The following FCHSD2 variants were observed in gnomAD, a reference collection of about 807,000 sequenced individuals.
FCHSD2 encodes the protein F-BAR and double SH3 domains protein 2.
Under a neutral mutation model 108.1 loss-of-function variants are expected in FCHSD2, and 38 were observed. The ratio of observed to expected loss-of-function variants is 0.35; its 90% confidence interval spans 0.27 to 0.46. The LOEUF is 0.46. Among genes scored for constraint, FCHSD2 ranks in the 20% least tolerant of loss-of-function variants. The pLI, the probability that FCHSD2 is intolerant of heterozygous loss-of-function variation, is 1.00. For missense variants in FCHSD2, 751 were observed against 897.8 expected (o/e 0.84, Z 2.09); for synonymous variants, 279 against 314.7 (o/e 0.89, Z 1.20).
At chr11:72,876,169 G>A (rs1854965540) in intron 12 of FCHSD2, among the ~76,000 whole-genome samples, 1 of 152,016 alleles carries the variant, frequency 6.6e-6, no homozygotes, top group African/African-American at 2.4e-5. Context: ...TATAAAAAAG[G>A]AAAATAAAAT....
At chr11:72,881,147 G>A (rs1011995936) in intron 12 of FCHSD2, among the ~76,000 whole-genome samples, 36 of 152,020 alleles carry the variant, frequency 2.4e-4, no homozygotes, top group African/African-American at 8.0e-4. Flanking sequence ...ACTAATATAC[G>A]GAATATACAC....
chr11:73,096,987 A>AATTTTTTTTTT (rs1860095700), intron 2 of FCHSD2, among the ~76,000 whole-genome samples: 23 of 27,022 alleles, frequency 8.5e-4, no homozygotes, highest in African/African-American at 4.6e-3. Flanking sequence ...TCATTGATGG[A>AATTTTTTTTTT]TTTTTTTTTT....
intron 9 of FCHSD2, among the ~76,000 whole-genome samples, chr11:72,920,758 T>A (rs546619086): frequency 9.8e-5 from 15 of 152,332 alleles, no homozygotes; most frequent in Middle Eastern, 3.4e-3. Flanking sequence ...CTACATAGAT[T>A]CCTCAATTAA....
At chr11:73,017,190 C>T (rs1042134579) in intron 3 of FCHSD2, among the ~76,000 whole-genome samples, 2 of 151,998 alleles carry the variant, frequency 1.3e-5, no homozygotes, top group African/African-American at 2.4e-5. Flanking sequence ...CGCCATGTTG[C>T]CCATGGCTCA....
chr11:72,991,850 C>A (rs902215828), intron 5 of FCHSD2, among the ~76,000 whole-genome samples: 6 of 152,146 alleles, frequency 3.9e-5, no homozygotes, highest in African/African-American at 1.4e-4. Context: ...AAAACTGGCA[C>A]AAGACAGGGA....
At chr11:73,092,315 T>A (rs1005531349) in intron 2 of FCHSD2, among the ~76,000 whole-genome samples, 1 of 151,950 alleles carries the variant, frequency 6.6e-6, no homozygotes, top group Non-Finnish European at 1.5e-5. Context: ...TTTTGTTTTT[T>A]TTTTTGTAGA....
In FCHSD2 at chr11:73,029,301, A is replaced by G. The variant is rs1858303699; in HGVS notation, c.166-13416T>C. On this transcript the variant is annotated intron_variant, in intron 3 of 19. Coordinates refer to ENST00000409418, the MANE Select transcript of FCHSD2 (RefSeq NM_014824.3). ...TAAGGCAGAGCAGAAAGGACCAGGAATCTTGTCTCCCAACCTAGACAACAA... is the reference window on the plus strand; with the variant it reads ...TAAGGCAGAGCAGAAAGGACCAGGAGTCTTGTCTCCCAACCTAGACAACAA... Among the ~76,000 whole-genome samples the G allele has an allele frequency of 2.0e-5, 3 of 152,334 alleles. No homozygotes were observed. In the South Asian group the frequency reaches 6.2e-4, roughly 32 times the overall value.
chr11:72,840,041 T>TA (rs1860863311), intron 19 of FCHSD2, among the ~76,000 whole-genome samples: 1 of 152,182 alleles, frequency 6.6e-6, no homozygotes, highest in Non-Finnish European at 1.5e-5. Flanking sequence ...TTCCCACTCT[T>TA]ACCCACCAGT....
intron 10 of FCHSD2, among the ~76,000 whole-genome samples, chr11:72,892,210 G>T (rs1053663066): frequency 5.3e-5 from 8 of 152,300 alleles, no homozygotes; most frequent in Middle Eastern, 3.4e-3. Flanking sequence ...TTGCCTTACA[G>T]AATTTATACC....
At chr11:73,083,290 C>T (rs937400603) in intron 3 of FCHSD2, among the ~76,000 whole-genome samples, 1 of 152,148 alleles carries the variant, frequency 6.6e-6, no homozygotes, top group Non-Finnish European at 1.5e-5. Context: ...GTGGCTCATG[C>T]CTGTAATCCC....
chr11:72,887,535 C>T lies in FCHSD2; in HGVS notation c.1081G>A (p.Glu361Lys). The T allele has an allele frequency of 4.4e-6, 7 of 1,601,570 alleles. No homozygotes were observed. Among genetic ancestry groups the T allele is most frequent in the Non-Finnish European group, 6.0e-6 (7 of 1,175,216 alleles). ...TGTTCTAGCTCTGCTCGGCTTTGTTCTGATACAGCAGCTCCATGACACTCC... is the reference window on the plus strand; with the variant it reads ...TGTTCTAGCTCTGCTCGGCTTTGTTTTGATACAGCAGCTCCATGACACTCC... ...DLECHGAAVS[E>K]QSRAELEQKI... The change falls in exon 12 of 20, where the codon GAA becomes AAA. Residue 361 changes from glutamate (E) to lysine (K), a missense_variant. Coordinates refer to ENST00000409418, the MANE Select transcript of FCHSD2 (RefSeq NM_014824.3).
At chr11:72,930,176 T>G (rs967296577) in intron 8 of FCHSD2, among the ~76,000 whole-genome samples, 1 of 152,202 alleles carries the variant, frequency 6.6e-6, no homozygotes, top group Non-Finnish European at 1.5e-5. Context: ...TGTTGCTCCA[T>G]GAATGTAATT....
At position 73,133,132 on chromosome 11, in the gene FCHSD2, C is replaced by T. The variant is rs182618666; in HGVS notation, c.119+6899G>A. Among the ~76,000 whole-genome samples, 373 of 152,146 alleles carry T rather than the reference C, an allele frequency of 2.5e-3. 2 individuals are homozygous for T. The highest frequency in any genetic ancestry group is 0.023 in the South Asian group (111 of 4,818). Reference sequence around the variant, plus strand: ...AGACAATAACATGCACTGGCCATGACGTGGAGAAATAGGACCCATCATGTA... The same window carrying T: ...AGACAATAACATGCACTGGCCATGATGTGGAGAAATAGGACCCATCATGTA... On this transcript the variant is annotated intron_variant, in intron 2 of 19. Coordinates refer to ENST00000409418, the MANE Select transcript of FCHSD2 (RefSeq NM_014824.3).
chr11:73,051,898 CACACACA>C (rs1257755024), intron 3 of FCHSD2, among the ~76,000 whole-genome samples: 56 of 150,946 alleles, frequency 3.7e-4, no homozygotes, highest in African/African-American at 1.3e-3. Flanking sequence ...CACACACACA[CACACACA>C]CACACACACA....
chr11:72,846,528 A>G (rs906299412), intron 14 of FCHSD2, among the ~76,000 whole-genome samples: 3 of 152,090 alleles, frequency 2.0e-5, no homozygotes, highest in Non-Finnish European at 4.4e-5. Context: ...AACACTGACT[A>G]CCATGATGCT....
chr11:72,878,525 T>C (rs115907550), intron 12 of FCHSD2, among the ~76,000 whole-genome samples: 1 of 152,102 alleles, frequency 6.6e-6, no homozygotes, highest in African/African-American at 2.4e-5. Context: ...GCAGGAAAAA[T>C]ATAAGGTGAA....
intron 12 of FCHSD2, among the ~76,000 whole-genome samples, chr11:72,869,371 A>C (rs1247767459): frequency 6.6e-6 from 1 of 151,494 alleles, no homozygotes; most frequent in Non-Finnish European, 1.5e-5. Flanking sequence ...TTTCACTTGA[A>C]GCAGGGCAAG....
At chr11:73,006,814 T>C (rs1323555475) in intron 4 of FCHSD2, among the ~76,000 whole-genome samples, 1 of 152,266 alleles carries the variant, frequency 6.6e-6, no homozygotes, top group African/African-American at 2.4e-5. Context: ...CACTGTTGTA[T>C]GTTCGGCACA....
In FCHSD2 at chr11:73,053,280, A is replaced by G. The variant is rs1195716887; in HGVS notation, c.165+30415T>C. Among the ~76,000 whole-genome samples, 4 of 152,074 alleles carry G rather than the reference A, an allele frequency of 2.6e-5. No homozygotes were observed. The East Asian group carries it at 5.8e-4, about 22-fold the overall frequency. On this transcript the variant is annotated intron_variant, in intron 3 of 19. Transcript: ENST00000409418. ...TTTTCAAATTTTTTCCACCAAAAGA[A>G]GATTCATACAAAAGAAATGTGTGGA...
Sources: allele counts gnomAD v4.1 joint callset (sites outside exome capture counted in the v4.1 genomes callset), GRCh38; gene constraint gnomAD v4.1.1; transcripts MANE v1.5; gene names NCBI Gene and HGNC (gene_info 2026-07-23, HGNC 2026-07-21).